Variants in AKAP13 observed in about 807,000 individuals in gnomAD.
AKAP13 encodes A-kinase anchoring protein 13, also known as A-kinase anchor protein 13.
Under a neutral mutation model 264.5 loss-of-function variants are expected in AKAP13, and 80 were observed. The ratio of observed to expected loss-of-function variants is 0.30; its 90% CI spans 0.25 to 0.36. The LOEUF is 0.36. Among genes scored for constraint, AKAP13 ranks in the 10% least tolerant of loss-of-function variants. The pLI is 1.00. For synonymous variants in AKAP13, 1,380 were observed against 1,250.2 expected (o/e 1.10, Z -2.19); for missense variants, 3,712 against 3,435.2 (o/e 1.08, Z -2.01).
chr15:85,693,197 A>G, intron 16 of AKAP13, 80 bp from the exon 17 acceptor site: 2 of 1,434,806 alleles, frequency 1.4e-6, no homozygotes, highest in African/African-American at 1.5e-5. Context: ...GTTGTTAACC[A>G]CATGCCATCT....
At chr15:85,544,143 C>G (rs184088064) in intron 5 of AKAP13, 188 bp downstream of exon 5, 1 of 739,612 alleles carries the variant, frequency 1.4e-6, no homozygotes. Flanking sequence ...GAGAGAGAAA[C>G]GTAAGTCGTG....
At chr15:85,734,284 T>A (rs941546101) in intron 30 of AKAP13, among the ~76,000 whole-genome samples, 2 of 152,236 alleles carry the variant, frequency 1.3e-5, no homozygotes, top group Admixed American at 1.3e-4. Flanking sequence ...ACTTCAATAT[T>A]TTCTATTGCT....
chr15:85,690,796 A>C (rs2085240021), intron 16 of AKAP13, among the ~76,000 whole-genome samples: 1 of 152,204 alleles, frequency 6.6e-6, no homozygotes, highest in African/African-American at 2.4e-5. Flanking sequence ...ATGAGAGCTG[A>C]GCTTTACAGT....
At chr15:85,623,161 G>A (rs1286862032) in intron 8 of AKAP13, among the ~76,000 whole-genome samples, 2 of 152,166 alleles carry the variant, frequency 1.3e-5, no homozygotes, top group Non-Finnish European at 2.9e-5. Context: ...GCCGTCATGT[G>A]CACTTTCTCC....
chr15:85,491,486 T>TTTATATATATTTATTATATATTATATA (rs1491422028), intron 2 of AKAP13, among the ~76,000 whole-genome samples: 1 of 113,236 alleles, frequency 8.8e-6, no homozygotes, highest in East Asian at 2.1e-4. Context: ...TATGTATATA[T>TTTATATATATTTATTATATATTATATA]TTATATATAT....
At chr15:85,506,611 C>A (rs1005296503) in intron 2 of AKAP13, among the ~76,000 whole-genome samples, 1 of 151,964 alleles carries the variant, frequency 6.6e-6, no homozygotes, top group Admixed American at 6.6e-5. Flanking sequence ...TAAAGCAGGG[C>A]AAGATAGATA....
intron 3 of AKAP13, 57 bp from the exon 4 acceptor site, chr15:85,533,527 G>A (rs769880379): frequency 1.7e-5 from 25 of 1,493,150 alleles, no homozygotes; most frequent in East Asian, 6.9e-5. Flanking sequence ...ATCCACTAGC[G>A]TCCTTTCAGC....
chr15:85,529,264 CA>C (rs1337548619), intron 3 of AKAP13, among the ~76,000 whole-genome samples: 4 of 151,908 alleles, frequency 2.6e-5, no homozygotes, highest in South Asian at 2.1e-4. Flanking sequence ...TACAAGAATA[CA>C]AAAAAATTAG....
intron 1 of AKAP13, among the ~76,000 whole-genome samples, chr15:85,462,820 C>A (rs1005026368): frequency 2.0e-5 from 3 of 151,160 alleles, no homozygotes; most frequent in African/African-American, 7.3e-5. Context: ...GTCAGGAGAT[C>A]GAGACCATCC....
chr15:85,606,327 C>T (rs2080337395), intron 8 of AKAP13, among the ~76,000 whole-genome samples: 1 of 152,116 alleles, frequency 6.6e-6, no homozygotes, highest in South Asian at 2.1e-4. Flanking sequence ...GTCTTGAACA[C>T]CTGACCTCAG....
chr15:85,420,528 C>T (rs1273720070), intron 1 of AKAP13, among the ~76,000 whole-genome samples: 5 of 152,080 alleles, frequency 3.3e-5, no homozygotes, highest in Admixed American at 6.6e-5. Flanking sequence ...TACCATGAGA[C>T]AGAAAAGACA....
chr15:85,715,799 A>G lies in AKAP13; in HGVS notation c.5611A>G (p.Lys1871Glu), dbSNP rs1397924030. 1.9e-6 allele frequency: 3 copies of G among 1,611,660 alleles called. No individual in the cohort carries two copies. Among genetic ancestry groups the G allele is most frequent in the African/African-American group, 1.3e-5 (1 of 74,514 alleles). The change falls in exon 20 of 37, where the codon AAG (lysine) becomes GAG (glutamate). Residue 1871 changes from lysine (K) to glutamate (E), a missense_variant. Transcript: ENST00000394518. ...VIMRNKPSQP[K>E]ERPRSAVLLV... ...TCCTCCTTTTGCAGCCTCACAGCCCAAGGAGCGTCCTCGGTCCGCAGTCCT... is the reference window on the plus strand; with the variant it reads ...TCCTCCTTTTGCAGCCTCACAGCCCGAGGAGCGTCCTCGGTCCGCAGTCCT...
intron 5 of AKAP13, among the ~76,000 whole-genome samples, chr15:85,573,357 A>G (rs546172927): frequency 3.6e-4 from 55 of 152,246 alleles, no homozygotes; most frequent in Non-Finnish European, 6.3e-4. Flanking sequence ...AGCCTGGCCA[A>G]TGTGGCAAAA....
intron 5 of AKAP13, among the ~76,000 whole-genome samples, chr15:85,571,158 C>T (rs1482346171): frequency 1.3e-5 from 2 of 152,054 alleles, no homozygotes; most frequent in African/African-American, 4.8e-5. Context: ...AGCAATGAGG[C>T]CTGGCTGAAT....
chr15:85,679,001 G>A (rs1399301281), intron 14 of AKAP13, among the ~76,000 whole-genome samples: 2 of 152,056 alleles, frequency 1.3e-5, no homozygotes, highest in Non-Finnish European at 2.9e-5. Flanking sequence ...GCACTTTTGG[G>A]AGACTGAGGT....
intron 21 of AKAP13, 131 bp from the exon 22 acceptor site, chr15:85,717,876 T>G (rs1433120505): frequency 1.1e-6 from 1 of 870,138 alleles, no homozygotes; most frequent in Non-Finnish European, 1.8e-6. Context: ...GGTACTAGAA[T>G]ATGATCTCTG....
intron 19 of AKAP13, among the ~76,000 whole-genome samples, chr15:85,714,095 C>G (rs2086781221): frequency 1.3e-5 from 2 of 152,122 alleles, no homozygotes; most frequent in Non-Finnish European, 2.9e-5. Context: ...TGACCAGAAG[C>G]CTTACCAATA....
At chr15:85,563,118 C>G (rs2078465122) in intron 5 of AKAP13, among the ~76,000 whole-genome samples, 1 of 151,942 alleles carries the variant, frequency 6.6e-6, no homozygotes, top group South Asian at 2.1e-4. Flanking sequence ...ACTTTAGCAC[C>G]TGTACTTTTC....
In AKAP13 at chr15:85,743,553, C is replaced by A; in HGVS notation, c.8120C>A (p.Pro2707His). 1 of 1,614,162 alleles carries A rather than the reference C, an allele frequency of 6.2e-7. No individual in the cohort carries two copies. The highest frequency in any genetic ancestry group is 8.5e-7 in the Non-Finnish European group (1 of 1,180,024). Reference sequence around the variant, plus strand: ...TCGTTCTTCCCCAGTCCTGAGGAGCCCCCCTCGCCATCTGCACCTTCCATA... The same window carrying A: ...TCGTTCTTCCCCAGTCCTGAGGAGCACCCCTCGCCATCTGCACCTTCCATA... ...IPSFFPSPEE[P>H]PSPSAPSIAK... is the part of the protein sequence containing the mutation. The change falls in exon 36 of 37, where the codon CCC (proline) becomes CAC (histidine). Residue 2707 changes from proline to histidine, a missense_variant. Transcript: ENST00000394518.
Sources: gnomAD v4.1 joint callset for allele counts (sites outside exome capture counted in the v4.1 genomes callset) on GRCh38, gnomAD v4.1.1 for gene constraint, MANE v1.5 for transcripts, NCBI Gene and HGNC (gene_info 2026-07-23, HGNC 2026-07-21) for gene names.